Variants in CBLB observed in about 807,000 individuals in gnomAD.
CBLB encodes the protein Cbl proto-oncogene B, also known as E3 ubiquitin-protein ligase CBL-B.
In CBLB, 31 loss-of-function variants were observed where a neutral mutation model predicts 104.9. That is an observed-to-expected ratio of 0.30 (90% CI 0.22 to 0.40). The LOEUF is 0.40. CBLB is among the 10% of genes least tolerant of loss of function. CBLB has a pLI of 1.00. For missense variants in CBLB, 1,062 were observed against 1,214.6 expected (o/e 0.87, Z 1.87); for synonymous variants, 440 against 422.6 (o/e 1.04, Z -0.51).
intron 3 of CBLB, among the ~76,000 whole-genome samples, chr3:105,780,665 T>TTTTG (rs1560209342): frequency 8.9e-5 from 11 of 123,604 alleles, no homozygotes; most frequent in African/African-American, 3.1e-4. Flanking sequence ...TTTTTGTTTT[T>TTTTG]TTTTTTTTTT....
intron 10 of CBLB, among the ~76,000 whole-genome samples, chr3:105,717,003 G>A (rs2071995808): frequency 6.6e-6 from 1 of 152,078 alleles, no homozygotes; most frequent in South Asian, 2.1e-4. Flanking sequence ...GAGTCACCTT[G>A]GAACATTCTG....
At chr3:105,759,740 T>C (rs2077433415) in intron 4 of CBLB, among the ~76,000 whole-genome samples, 1 of 152,180 alleles carries the variant, frequency 6.6e-6, no homozygotes, top group African/African-American at 2.4e-5. Context: ...CTTCCAAGCC[T>C]GCTGGGGTAG....
At chr3:105,845,823 C>G (rs942503876) in intron 3 of CBLB, among the ~76,000 whole-genome samples, 1 of 152,066 alleles carries the variant, frequency 6.6e-6, no homozygotes, top group East Asian at 1.9e-4. Context: ...TTAGAAAAGT[C>G]TATTCACACC....
At chr3:105,782,626 C>G (rs2080422624) in intron 3 of CBLB, among the ~76,000 whole-genome samples, 1 of 148,038 alleles carries the variant, frequency 6.8e-6, no homozygotes, top group Admixed American at 6.8e-5. Flanking sequence ...CACTCTATTG[C>G]CCAGGCTGGA....
chr3:105,740,452 T>C, intron 7 of CBLB, 42 bp downstream of exon 7: 4 of 1,608,854 alleles, frequency 2.5e-6, no homozygotes, highest in Non-Finnish European at 3.4e-6. Flanking sequence ...TTTTTCAAAT[T>C]CATGAATCAT....
At position 105,734,051 on chromosome 3, in the gene CBLB, A is replaced by G. The variant is rs9657925; in HGVS notation, c.1161T>C (p.Pro387=). ...AENDKDVKIE[P]CGHLMCTSCL... ...AAGAGGTGCACATCAAATGCCCACA[A>G]GGCTCAATCTTGACATCTTTGTCAT... The change falls in exon 9 of 19, where the codon CCT becomes CCC. Residue 387 remains proline, a synonymous_variant. Transcript: ENST00000394030. The G allele has an allele frequency of 2.5e-3, 4,074 of 1,614,074 alleles. 81 individuals are homozygous for G. In the African/African-American group the frequency reaches 0.047, roughly 19 times the overall value.
intron 3 of CBLB, among the ~76,000 whole-genome samples, chr3:105,810,447 C>A (rs2084125805): frequency 6.6e-6 from 1 of 152,052 alleles, no homozygotes; most frequent in South Asian, 2.1e-4. Context: ...CCACAGCTCA[C>A]CAACTAGCCT....
At chr3:105,717,751 A>C (rs1346411210) in intron 10 of CBLB, among the ~76,000 whole-genome samples, 1 of 152,188 alleles carries the variant, frequency 6.6e-6, no homozygotes, top group Non-Finnish European at 1.5e-5. Flanking sequence ...CCAGCTCCGC[A>C]TATGTAGCTC....
chr3:105,788,783 C>T (rs1241794173), intron 3 of CBLB, among the ~76,000 whole-genome samples: 1 of 152,208 alleles, frequency 6.6e-6, no homozygotes, highest in African/African-American at 2.4e-5. Context: ...TAGCCTGTGA[C>T]TTGCTTTACT....
At chr3:105,751,360 A>ATGTG (rs995577726) in intron 5 of CBLB, 102 bp downstream of exon 5, 8 of 799,402 alleles carry the variant, frequency 1.0e-5, no homozygotes, top group South Asian at 5.9e-5. Flanking sequence ...ATGTTTGTTT[A>ATGTG]TGTGTGTGTG....
chr3:105,862,463 T>C (rs1435697493), intron 2 of CBLB, among the ~76,000 whole-genome samples: 1 of 152,172 alleles, frequency 6.6e-6, no homozygotes, highest in African/African-American at 2.4e-5. Context: ...CACCAAGACC[T>C]GTAGATTTTA....
intron 3 of CBLB, among the ~76,000 whole-genome samples, chr3:105,803,658 T>G (rs1366761310): frequency 6.6e-6 from 1 of 152,066 alleles, no homozygotes; most frequent in African/African-American, 2.4e-5. Context: ...TAACTGGGGG[T>G]GGGAGTAAGG....
chr3:105,853,676 G>A lies in CBLB; in HGVS notation c.169-12C>T, dbSNP rs1489335314. ...TGGCACAGTCTTACCTAAAAACAAA[G>A]ATAAAAATAAAATAAGTCATAATAT... On this transcript the variant is annotated splice_polypyrimidine_tract_variant and intron_variant, in intron 2 of 18. Coordinates refer to ENST00000394030, the MANE Select transcript of CBLB (RefSeq NM_170662.5). 2 of 1,561,884 alleles carry A rather than the reference G, an allele frequency of 1.3e-6. No homozygotes were observed. Among genetic ancestry groups the A allele is most frequent in the African/African-American group, 2.7e-5 (2 of 73,548 alleles).
intron 10 of CBLB, among the ~76,000 whole-genome samples, chr3:105,706,556 G>GA (rs1559898364): frequency 2.0e-5 from 3 of 152,088 alleles, no homozygotes. Flanking sequence ...TCATAGATCA[G>GA]AAAAAATTCC....
intron 12 of CBLB, among the ~76,000 whole-genome samples, chr3:105,698,229 C>T (rs1348579886): frequency 3.3e-5 from 5 of 152,102 alleles, no homozygotes; most frequent in Admixed American, 1.3e-4. Context: ...TTCACTTTAA[C>T]TATGAGCTAG....
chr3:105,840,041 G>GA (rs1457762086), intron 3 of CBLB, among the ~76,000 whole-genome samples: 3 of 152,022 alleles, frequency 2.0e-5, no homozygotes, highest in African/African-American at 7.2e-5. Flanking sequence ...GAAATCTCTG[G>GA]AAAAAAGAAT....
At chr3:105,802,770 A>C (rs2083045391) in intron 3 of CBLB, among the ~76,000 whole-genome samples, 1 of 152,178 alleles carries the variant, frequency 6.6e-6, no homozygotes, top group African/African-American at 2.4e-5. Flanking sequence ...TCAACTACTT[A>C]ATTTGAACTC....
At position 105,841,692 on chromosome 3, in the gene CBLB, A is replaced by C. The variant is rs577010265; in HGVS notation, c.419+11722T>G. 7.1e-3 allele frequency among the ~76,000 whole-genome samples: 1,086 copies of C among 152,172 alleles called. 7 individuals carry two copies. The highest frequency in any genetic ancestry group is 0.012 in the Non-Finnish European group (819 of 68,004). On this transcript the variant is annotated intron_variant, in intron 3 of 18. Coordinates refer to ENST00000394030, the MANE Select transcript of CBLB (RefSeq NM_170662.5). ...ATGGTCTCGATCTCCTGACCTCATG[A>C]TCTGCCCACCTCAGCCTCCCAAAGT...
At chr3:105,714,745 G>A (rs999918287) in intron 10 of CBLB, among the ~76,000 whole-genome samples, 3 of 152,124 alleles carry the variant, frequency 2.0e-5, no homozygotes, top group Admixed American at 6.6e-5. Flanking sequence ...CTGGGGTTTG[G>A]GGACCCCTGC....
Sources: gnomAD v4.1 joint callset for allele counts (sites outside exome capture counted in the v4.1 genomes callset) on GRCh38, gnomAD v4.1.1 for gene constraint, MANE v1.5 for transcripts, NCBI Gene and HGNC (gene_info 2026-07-23, HGNC 2026-07-21) for gene names.